DAB1: variants seen among roughly 807,000 people sequenced by gnomAD.
DAB1 encodes the protein DAB adaptor protein 1, also known as disabled homolog 1.
A neutral mutation model predicts 64.6 loss-of-function variants in DAB1; 15 were observed. The ratio of observed to expected loss-of-function variants is 0.23; its 90% CI spans 0.16 to 0.36. The LOEUF is 0.36. DAB1 is among the 10% of genes least tolerant of loss of function. The pLI is 1.00. For synonymous variants in DAB1, 235 were observed against 251.9 expected (o/e 0.93, Z 0.64); for missense variants, 596 against 706.7 (o/e 0.84, Z 1.78).
At chr1:57,320,086 T>A in intron 1 of DAB1, among the ~76,000 whole-genome samples, 1 of 152,194 alleles carries the variant, frequency 6.6e-6, no homozygotes, top group East Asian at 1.9e-4. Context: ...ATTCCTTAAG[T>A]ACTGTGATAG....
At chr1:57,846,239 C>T (rs1653276293) in intron 1 of DAB1, among the ~76,000 whole-genome samples, 1 of 152,022 alleles carries the variant, frequency 6.6e-6, no homozygotes, top group Non-Finnish European at 1.5e-5. Flanking sequence ...GTGGGCAGAT[C>T]ACGAGGTCAG....
At chr1:57,843,816 T>C (rs1338388869) in intron 1 of DAB1, among the ~76,000 whole-genome samples, 3 of 152,180 alleles carry the variant, frequency 2.0e-5, no homozygotes, top group Non-Finnish European at 4.4e-5. Context: ...TCTTTTCCTT[T>C]GCTTTCTCTT....
At chr1:58,367,250 A>T (rs975139349) in intron 3 of DAB1, among the ~76,000 whole-genome samples, 4 of 152,138 alleles carry the variant, frequency 2.6e-5, no homozygotes, top group Admixed American at 1.3e-4. Flanking sequence ...ACTGGTAAAA[A>T]CTGAAAATGT....
intron 5 of DAB1, among the ~76,000 whole-genome samples, chr1:57,945,451 TA>T (rs201933522): frequency 0.16 from 24,068 of 150,752 alleles, 2,995 homozygotes; most frequent in African/African-American, 0.34. Context: ...TTATTATTAT[TA>T]TTATTTTGGC....
At chr1:57,758,467 G>T (rs887796999) in intron 6 of DAB1, among the ~76,000 whole-genome samples, 3 of 152,240 alleles carry the variant, frequency 2.0e-5, no homozygotes, top group Non-Finnish European at 4.4e-5. Context: ...GAGAAGTGAT[G>T]ATTGTTTTTA....
At chr1:58,360,065 C>G (rs575581055) in intron 3 of DAB1, among the ~76,000 whole-genome samples, 3 of 152,268 alleles carry the variant, frequency 2.0e-5, no homozygotes, top group Non-Finnish European at 4.4e-5. Context: ...ACTAAATGTT[C>G]AGTTCATAAA....
intron 3 of DAB1, among the ~76,000 whole-genome samples, chr1:58,445,330 A>G (rs1157663047): frequency 2.6e-5 from 4 of 152,248 alleles, no homozygotes. Flanking sequence ...ATAAAAATCA[A>G]TATTCCCACC....
At chr1:57,384,618 C>T (rs907034034) in intron 1 of DAB1, among the ~76,000 whole-genome samples, 1 of 152,104 alleles carries the variant, frequency 6.6e-6, no homozygotes, top group South Asian at 2.1e-4. Context: ...ATGCATGAAC[C>T]TTGAGAACAT....
intron 7 of DAB1, among the ~76,000 whole-genome samples, chr1:57,646,887 A>G (rs1341900163): frequency 2.0e-5 from 3 of 152,118 alleles, no homozygotes; most frequent in African/African-American, 4.8e-5. Flanking sequence ...TCTGCCTCGA[A>G]CCCTTCTCAC....
chr1:58,003,800 C>T (rs1406444401), intron 5 of DAB1, among the ~76,000 whole-genome samples: 1 of 152,122 alleles, frequency 6.6e-6, no homozygotes, highest in Non-Finnish European at 1.5e-5. Context: ...AGTTTACAAA[C>T]AGAAAACAGA....
At chr1:58,332,105 T>C (rs1265573075) in intron 4 of DAB1, among the ~76,000 whole-genome samples, 1 of 152,190 alleles carries the variant, frequency 6.6e-6, no homozygotes, top group Non-Finnish European at 1.5e-5. Flanking sequence ...CTGTACCATA[T>C]ATGGCTTATA....
At chr1:57,570,158 A>C (rs1049631028) in intron 7 of DAB1, among the ~76,000 whole-genome samples, 1 of 152,158 alleles carries the variant, frequency 6.6e-6, no homozygotes, top group Non-Finnish European at 1.5e-5. Flanking sequence ...GTGGGTGGGC[A>C]CAATCTAATC....
chr1:58,310,822 A>G lies in DAB1; in HGVS notation n.309+32530T>C, dbSNP rs554690711. On this transcript the variant is annotated intron_variant and non_coding_transcript_variant, in intron 4 of 20. Coordinates refer to the DAB1 transcript ENST00000485760. ...TATTCACTCGTATAATCATTCCATG[A>G]CCCCTTGCTGAGTCCTACTATGGAT... Among the ~76,000 whole-genome samples, 3 of 152,094 alleles carry G rather than the reference A, an allele frequency of 2.0e-5. No individual in the cohort carries two copies. The South Asian group carries it at 6.2e-4, about 32-fold the overall frequency.
intron 12 of DAB1, 48 bp from the exon 13 acceptor site, chr1:57,011,320 A>G (rs1189365404): frequency 1.3e-6 from 2 of 1,599,108 alleles, no homozygotes; most frequent in Admixed American, 3.5e-5. Context: ...CCTGGCTGCC[A>G]TGAATGTATC....
chr1:57,819,472 G>A (rs1215924638), intron 6 of DAB1, among the ~76,000 whole-genome samples: 1 of 152,162 alleles, frequency 6.6e-6, no homozygotes, highest in Non-Finnish European at 1.5e-5. Flanking sequence ...AGTGGGTGGA[G>A]GAAGTGGAAA....
At chr1:57,734,276 C>T (rs1479357899) in intron 6 of DAB1, among the ~76,000 whole-genome samples, 1 of 152,306 alleles carries the variant, frequency 6.6e-6, no homozygotes, top group East Asian at 1.9e-4. Context: ...AGTCACTCAA[C>T]TCAGAATTAA....
chr1:57,654,174 T>C (rs1300502765), intron 6 of DAB1, among the ~76,000 whole-genome samples: 1 of 152,194 alleles, frequency 6.6e-6, no homozygotes, highest in Non-Finnish European at 1.5e-5. Flanking sequence ...CATTTTTCTA[T>C]TGGGTTGTTA....
chr1:58,479,087 A>AAC (rs1228169803), intron 3 of DAB1, among the ~76,000 whole-genome samples: 1 of 152,228 alleles, frequency 6.6e-6, no homozygotes, highest in African/African-American at 2.4e-5. Context: ...ACATGGTGTC[A>AAC]ACTTATATAT....
At chr1:57,695,473 T>C (rs923163235) in intron 6 of DAB1, among the ~76,000 whole-genome samples, 4 of 152,118 alleles carry the variant, frequency 2.6e-5, no homozygotes, top group Admixed American at 1.3e-4. Flanking sequence ...TATGTCTGTA[T>C]AACTGGTATG....
Sources: gnomAD v4.1 joint callset for allele counts (sites outside exome capture counted in the v4.1 genomes callset) on GRCh38, gnomAD v4.1.1 for gene constraint, MANE v1.5 for transcripts, NCBI Gene and HGNC (gene_info 2026-07-23, HGNC 2026-07-21) for gene names.